The following CHST11 variants were observed in gnomAD, a reference collection of about 807,000 sequenced individuals.
CHST11 encodes C4S-1.
CHST11 carries 9 observed loss-of-function variants against 30.4 expected under a neutral mutation model. That is an observed-to-expected ratio of 0.30 (90% CI 0.18 to 0.52). The LOEUF (loss-of-function observed/expected upper bound fraction) is 0.52. Ranked by LOEUF, CHST11 falls within the 20% of genes least tolerant of loss-of-function variation. The pLI, the probability that CHST11 is intolerant of heterozygous loss-of-function variation, is 0.97. For missense variants in CHST11, 348 were observed against 460.6 expected, an observed-to-expected ratio of 0.76 and a Z score of 2.24; for synonymous variants, 152 against 187.8, an observed-to-expected ratio of 0.81 and a Z score of 1.56.
chr12:104,692,601 G>A (rs1163851696), intron 2 of CHST11, among the ~76,000 whole-genome samples: 1 of 152,040 alleles, frequency 6.6e-6, no homozygotes, highest in Non-Finnish European at 1.5e-5. Flanking sequence ...GGTCCCTAAT[G>A]CCCCTGGCCA....
At chr12:104,569,114 G>A (rs893213848) in intron 1 of CHST11, among the ~76,000 whole-genome samples, 3 of 151,996 alleles carry the variant, frequency 2.0e-5, no homozygotes, top group African/African-American at 7.3e-5. Context: ...TAGTATCCAC[G>A]GTCACAGAGC....
chr12:104,541,447 T>C (rs915819405), intron 1 of CHST11, among the ~76,000 whole-genome samples: 1 of 152,200 alleles, frequency 6.6e-6, no homozygotes, highest in Non-Finnish European at 1.5e-5. Context: ...TTCTTTTCAC[T>C]ATAACAAAAT....
intron 2 of CHST11, among the ~76,000 whole-genome samples, chr12:104,712,808 C>T (rs1033028092): frequency 6.6e-6 from 1 of 152,062 alleles, no homozygotes; most frequent in African/African-American, 2.4e-5. Flanking sequence ...GAATGGAGAC[C>T]GTTTCTCCCA....
At chr12:104,647,539 T>C (rs1034562057) in intron 2 of CHST11, among the ~76,000 whole-genome samples, 3 of 152,222 alleles carry the variant, frequency 2.0e-5, no homozygotes, top group African/African-American at 7.2e-5. Flanking sequence ...TATACATTTT[T>C]TTAAAAACAA....
intron 1 of CHST11, among the ~76,000 whole-genome samples, chr12:104,515,581 G>C (rs1355839769): frequency 6.6e-6 from 1 of 152,160 alleles, no homozygotes. Context: ...ACACTGTTAG[G>C]GGTGGTAAGG....
chr12:104,606,750 A>C (rs2039008981), intron 2 of CHST11, among the ~76,000 whole-genome samples: 1 of 152,210 alleles, frequency 6.6e-6, no homozygotes, highest in South Asian at 2.1e-4. Flanking sequence ...GGACTTCTGG[A>C]ATGGCATGGA....
intron 2 of CHST11, among the ~76,000 whole-genome samples, chr12:104,673,764 G>A (rs142467840): frequency 1.3e-5 from 2 of 152,198 alleles, no homozygotes; most frequent in Admixed American, 6.5e-5. Flanking sequence ...ATTTGTTGCC[G>A]TGTGACCTTG....
intron 1 of CHST11, among the ~76,000 whole-genome samples, chr12:104,513,123 T>TGGTGGGGGGGGGG (rs1555229062): frequency 3.0e-4 from 1 of 3,382 alleles, no homozygotes; most frequent in Admixed American, 2.6e-3. Context: ...ATGTCATGAC[T>TGGTGGGGGGGGGG]GGGGGGGGGG....
chr12:104,612,209 G>T (rs1467488285), intron 2 of CHST11, among the ~76,000 whole-genome samples: 1 of 152,244 alleles, frequency 6.6e-6, no homozygotes, highest in South Asian at 2.1e-4. Context: ...AGACTGGGTG[G>T]CTTAGACAAT....
Position 104,676,021 on chromosome 12 carries a change from C to T in CHST11, c.204+74030C>T, listed in dbSNP as rs895225311. ...TACATCCCCGCATGCCTCGACTGGT[C>T]AACTCCTATAATTCTGTCTGCATAG... On this transcript the variant is annotated intron_variant, in intron 2 of 2. Transcript: ENST00000303694. This position sits in a 1 kb window ranked among gnomAD's most constrained non-coding sequence, Gnocchi z 4.4. Among the ~76,000 whole-genome samples the T allele has an allele frequency of 1.3e-5, 2 of 152,198 alleles. No individual in the cohort carries two copies.
chr12:104,670,880 A>G (rs2039689565), intron 2 of CHST11, among the ~76,000 whole-genome samples: 1 of 150,668 alleles, frequency 6.6e-6, no homozygotes, highest in South Asian at 2.1e-4. Flanking sequence ...ATACACCAAC[A>G]GAAACACACA....
chr12:104,735,090 A>G (rs2040289695), intron 2 of CHST11, among the ~76,000 whole-genome samples: 1 of 152,210 alleles, frequency 6.6e-6, no homozygotes, highest in Non-Finnish European at 1.5e-5. Flanking sequence ...CCTGAACTTC[A>G]GGGAGCAGAG....
chr12:104,613,220 A>T (rs896570839), intron 2 of CHST11, among the ~76,000 whole-genome samples: 1 of 151,914 alleles, frequency 6.6e-6, no homozygotes, highest in African/African-American at 2.4e-5. Flanking sequence ...AAAAAGATAC[A>T]GAATCAACTT....
chr12:104,494,307 C>G (rs1349261111), intron 1 of CHST11, among the ~76,000 whole-genome samples: 1 of 152,226 alleles, frequency 6.6e-6, no homozygotes, highest in East Asian at 1.9e-4. Flanking sequence ...GAGCTGACCC[C>G]TCTGGCCTTG....
chr12:104,674,821 A>G (rs2039725754), intron 2 of CHST11, among the ~76,000 whole-genome samples: 1 of 151,910 alleles, frequency 6.6e-6, no homozygotes, highest in South Asian at 2.1e-4. Flanking sequence ...TGTGTATGGT[A>G]TAAAAAGGAT....
At chr12:104,556,016 G>A (rs936495688) in intron 1 of CHST11, among the ~76,000 whole-genome samples, 19 of 152,188 alleles carry the variant, frequency 1.2e-4, no homozygotes, top group Non-Finnish European at 2.4e-4. Context: ...ACACTTGACC[G>A]AGGCAGCTCC....
chr12:104,661,510 G>T (rs1055969268), intron 2 of CHST11, among the ~76,000 whole-genome samples: 7 of 152,162 alleles, frequency 4.6e-5, no homozygotes, highest in African/African-American at 1.2e-4. Context: ...GGAGGTTGAG[G>T]TGGGCTTTGA....
chr12:104,716,679 G>A (rs989786679), intron 2 of CHST11, among the ~76,000 whole-genome samples: 5 of 152,170 alleles, frequency 3.3e-5, no homozygotes, highest in Non-Finnish European at 5.9e-5. Context: ...ATACGTGATC[G>A]CTCCCAACGT....
Position 104,758,324 on chromosome 12 carries a change from C to T in CHST11, c.*521C>T, listed in dbSNP as rs2040496988. 1 of 152,764 alleles carries T rather than the reference C, an allele frequency of 6.5e-6. No individual in the cohort carries two copies. The allele number at this position is 152,764 out of a possible 1,614,324, so 9.5% of individuals were successfully genotyped here. On this transcript the variant is annotated 3_prime_UTR_variant, in exon 3 of 3. Transcript: ENST00000303694. ...GCTAGAAATAAGTAGGTTGCTATTGCACTTAGAGTCATCTTTGCAAGGGAC... is the reference window on the plus strand; with the variant it reads ...GCTAGAAATAAGTAGGTTGCTATTGTACTTAGAGTCATCTTTGCAAGGGAC...
Sources: allele counts gnomAD v4.1 joint callset (sites outside exome capture counted in the v4.1 genomes callset), GRCh38; gene constraint gnomAD v4.1.1; non-coding constraint Gnocchi (gnomAD v3.1); transcripts MANE v1.5; gene names NCBI Gene and HGNC (gene_info 2026-07-23, HGNC 2026-07-21).